Variants in LARGE1 observed in about 807,000 individuals in gnomAD.
The protein encoded by LARGE1 is xylosyl- and glucuronyltransferase LARGE1.
A neutral mutation model predicts 87.6 loss-of-function variants in LARGE1; 43 were observed. The observed-to-expected ratio is 0.49, with a 90% CI of 0.38 to 0.63. The LOEUF is 0.63. LARGE1 is among the 30% of genes least tolerant of loss of function. The pLI is 0.00. For synonymous variants in LARGE1, 434 were observed against 394.6 expected (o/e 1.10, Z -1.18); for missense variants, 802 against 1,000.2 (o/e 0.80, Z 2.67).
At chr22:33,656,314 G>A (rs1452563482) in intron 2 of LARGE1, among the ~76,000 whole-genome samples, 2 of 152,162 alleles carry the variant, frequency 1.3e-5, no homozygotes, top group Non-Finnish European at 2.9e-5. Context: ...GAATGAGAGT[G>A]AAGCGAAAGG....
Position 33,259,158 on chromosome 22 carries a change from A to G in LARGE1, c.1730+45071T>C, listed in dbSNP as rs148465664. Among the ~76,000 whole-genome samples, 311 of 152,302 alleles carry G rather than the reference A, an allele frequency of 2.0e-3. No homozygotes were observed. The East Asian group carries it at 0.025, about 12-fold the overall frequency. ...CTCCCAAAATACTGGGATTACAGGC[A>G]TGAGCCACTACACCCGGCCAACTTT... On this transcript the variant is annotated intron_variant, in intron 11 of 11. Coordinates refer to the LARGE1 transcript ENST00000608642.
chr22:33,199,363 T>TA lies in LARGE1; in HGVS notation c.1731-32532dup, dbSNP rs540473963. On this transcript the variant is annotated intron_variant, in intron 11 of 11. Coordinates refer to the LARGE1 transcript ENST00000608642. ...CTATGCAGAAGATTTTTAGTTTAAT[T>TA]AAGTCCCATTTATCTACTTTAGTCT... 1.2e-3 allele frequency among the ~76,000 whole-genome samples: 184 copies of TA among 152,336 alleles called. 2 individuals are homozygous for TA. In the South Asian group the frequency reaches 0.038, roughly 31 times the overall value.
chr22:33,643,822 T>C (rs573503187), intron 3 of LARGE1, among the ~76,000 whole-genome samples: 1 of 152,244 alleles, frequency 6.6e-6, no homozygotes, highest in African/African-American at 2.4e-5. Context: ...AAGAAATGGA[T>C]AAATTCCTGG....
At chr22:33,417,025 G>A (rs1485277346) in intron 7 of LARGE1, among the ~76,000 whole-genome samples, 1 of 149,824 alleles carries the variant, frequency 6.7e-6, no homozygotes, top group African/African-American at 2.5e-5. Flanking sequence ...TCCTGCTTCA[G>A]CCTCCCGAGT....
chr22:33,701,029 A>C lies in LARGE1; in HGVS notation c.107-50361T>G, dbSNP rs560790459. 1.5e-4 allele frequency among the ~76,000 whole-genome samples: 23 copies of C among 152,238 alleles called. 2 individuals carry two copies. The highest frequency in any genetic ancestry group is 3.1e-4 in the African/African-American group (13 of 41,544). On this transcript the variant is annotated intron_variant, in intron 2 of 14. Coordinates refer to ENST00000397394, the MANE Select transcript of LARGE1 (RefSeq NM_133642.5). ...ATGGATTTCCTGGGATCTTGTTAAA[A>C]TGCGGGCTCTGATTCATAATCTTGG...
At chr22:33,269,801 C>A (rs1008535317), downstream of LARGE1, among the ~76,000 whole-genome samples, 3 of 151,988 alleles carry the variant, frequency 2.0e-5, no homozygotes, top group Non-Finnish European at 4.4e-5. Context: ...GTCAGGAGAT[C>A]GAGACCATCC....
chr22:33,335,913 C>A (rs5998885), intron 10 of LARGE1, among the ~76,000 whole-genome samples: 15,751 of 152,114 alleles, frequency 0.1, 2,125 homozygotes, highest in African/African-American at 0.32. Flanking sequence ...TTGTTTTCTG[C>A]GAGTTTAGTT....
the LARGE1 span, among the ~76,000 whole-genome samples, chr22:33,069,880 C>T: frequency 1.0e-4 from 15 of 146,880 alleles, no homozygotes; most frequent in Admixed American, 4.2e-4. Context: ...TGCAATGGCG[C>T]GTTCTTGGCT....
chr22:33,756,528 A>T (rs1193473995), intron 2 of LARGE1, among the ~76,000 whole-genome samples: 1 of 152,136 alleles, frequency 6.6e-6, no homozygotes, highest in Non-Finnish European at 1.5e-5. Context: ...AGCCAGACAA[A>T]GAAGAGGAAG....
intron 6 of LARGE1, among the ~76,000 whole-genome samples, chr22:33,478,798 C>T (rs1205776318): frequency 6.6e-6 from 1 of 152,060 alleles, no homozygotes; most frequent in African/African-American, 2.4e-5. Context: ...CACTGTGTTC[C>T]CGTAGCAGGG....
intron 1 of LARGE1, among the ~76,000 whole-genome samples, chr22:33,803,606 T>C (rs543571655): frequency 6.6e-6 from 1 of 152,128 alleles, no homozygotes; most frequent in Non-Finnish European, 1.5e-5. Context: ...CAAAAGGACA[T>C]AGAGTAGAAC....
intron 11 of LARGE1, among the ~76,000 whole-genome samples, chr22:33,198,066 G>A (rs540721459): frequency 6.6e-6 from 1 of 152,168 alleles, no homozygotes; most frequent in South Asian, 2.1e-4. Context: ...AACCACATGT[G>A]CATACAAAAA....
At chr22:33,613,847 C>T (rs1294113400) in intron 4 of LARGE1, among the ~76,000 whole-genome samples, 1 of 152,154 alleles carries the variant, frequency 6.6e-6, no homozygotes, top group Non-Finnish European at 1.5e-5. Flanking sequence ...TGAGTGGCTT[C>T]CTCAATTTCC....
intron 9 of LARGE1, among the ~76,000 whole-genome samples, chr22:33,367,006 A>T (rs143496612): frequency 6.6e-6 from 1 of 152,242 alleles, no homozygotes; most frequent in Non-Finnish European, 1.5e-5. Context: ...CTAGAAGATA[A>T]TCTAAACTTT....
chr22:33,865,684 A>G (rs535029175), intron 1 of LARGE1, among the ~76,000 whole-genome samples: 31 of 152,258 alleles, frequency 2.0e-4, no homozygotes, highest in African/African-American at 7.2e-4. Context: ...GAATCCAGCT[A>G]CACTAGTATC....
At chr22:33,420,857 G>C (rs781542353) in intron 7 of LARGE1, among the ~76,000 whole-genome samples, 1 of 152,150 alleles carries the variant, frequency 6.6e-6, no homozygotes, top group Non-Finnish European at 1.5e-5. Context: ...AGACACAGAC[G>C]TAATCCTCTT....
chr22:33,730,192 A>G (rs2083415636), intron 2 of LARGE1, among the ~76,000 whole-genome samples: 1 of 152,114 alleles, frequency 6.6e-6, no homozygotes, highest in Non-Finnish European at 1.5e-5. Flanking sequence ...AACCTCTATG[A>G]TGATCTGCTT....
intron 12 of LARGE1, among the ~76,000 whole-genome samples, chr22:33,292,352 G>A (rs1156368468): frequency 6.6e-6 from 1 of 151,986 alleles, no homozygotes; most frequent in Non-Finnish European, 1.5e-5. Flanking sequence ...CATCACTGAG[G>A]TTAAGAAAAG....
chr22:33,629,472 T>C (rs974049361), intron 3 of LARGE1, among the ~76,000 whole-genome samples: 1 of 152,158 alleles, frequency 6.6e-6, no homozygotes, highest in African/African-American at 2.4e-5. Context: ...CCACCATGAA[T>C]AAATGCATCA....
Sources: allele counts gnomAD v4.1 joint callset (sites outside exome capture counted in the v4.1 genomes callset), GRCh38; gene constraint gnomAD v4.1.1; transcripts MANE v1.5; gene names NCBI Gene and HGNC (gene_info 2026-07-23, HGNC 2026-07-21).